The following STXBP5L variants were observed in gnomAD, a reference collection of about 807,000 sequenced individuals.
The protein encoded by STXBP5L is syntaxin binding protein 5L.
A neutral mutation model predicts 144.5 loss-of-function variants in STXBP5L; 65 were observed. The observed-to-expected ratio is 0.45, with a 90% CI of 0.37 to 0.55. The LOEUF is 0.55. STXBP5L is among the 20% of genes least tolerant of loss of function. STXBP5L has a pLI of 0.00. For synonymous variants in STXBP5L, 505 were observed against 469.6 expected (o/e 1.08, Z -0.97); for missense variants, 1,298 against 1,405.5 (o/e 0.92, Z 1.22).
intron 11 of STXBP5L, among the ~76,000 whole-genome samples, chr3:121,224,985 A>G (rs1198298792): frequency 2.6e-5 from 4 of 152,166 alleles, no homozygotes; most frequent in African/African-American, 9.7e-5. Flanking sequence ...ATAAGGTTCA[A>G]TGAAGCATAA....
chr3:121,353,946 A>T (rs1304990891), intron 20 of STXBP5L, among the ~76,000 whole-genome samples: 1 of 152,204 alleles, frequency 6.6e-6, no homozygotes, highest in Non-Finnish European at 1.5e-5. Context: ...TTTACCCAGT[A>T]GTCATTCAGT....
chr3:121,398,251 A>G (rs1304739931), intron 22 of STXBP5L, among the ~76,000 whole-genome samples: 1 of 152,240 alleles, frequency 6.6e-6, no homozygotes, highest in Non-Finnish European at 1.5e-5. Context: ...GACCTTTCTA[A>G]AAGTAATCCT....
chr3:121,267,313 G>T (rs867637575), intron 18 of STXBP5L, among the ~76,000 whole-genome samples: 15 of 152,148 alleles, frequency 9.9e-5, no homozygotes, highest in Non-Finnish European at 1.9e-4. Context: ...AATGGTGAAA[G>T]AATTCCCTAT....
At chr3:121,299,499 T>C (rs1437508540) in intron 19 of STXBP5L, among the ~76,000 whole-genome samples, 1 of 152,130 alleles carries the variant, frequency 6.6e-6, no homozygotes, top group Non-Finnish European at 1.5e-5. Flanking sequence ...TAACAATATA[T>C]TGCACAGCAC....
At chr3:121,020,568 C>A (rs775788491) in intron 3 of STXBP5L, among the ~76,000 whole-genome samples, 1 of 152,172 alleles carries the variant, frequency 6.6e-6, no homozygotes, top group Non-Finnish European at 1.5e-5. Flanking sequence ...GATTTCTCAG[C>A]AGAAACCATA....
chr3:121,413,930 G>A (rs1278689948), intron 24 of STXBP5L, among the ~76,000 whole-genome samples: 1 of 152,114 alleles, frequency 6.6e-6, no homozygotes, highest in Non-Finnish European at 1.5e-5. Context: ...GGGGTTAAGA[G>A]CATAAGCTCT....
At chr3:121,081,949 A>G (rs6438607) in intron 5 of STXBP5L, among the ~76,000 whole-genome samples, 38,688 of 152,038 alleles carry the variant, frequency 0.25, 5,105 homozygotes, top group African/African-American at 0.29. Flanking sequence ...GTCTATTTCA[A>G]GATTCTTTAT....
intron 9 of STXBP5L, among the ~76,000 whole-genome samples, chr3:121,173,943 A>T (rs1299211105): frequency 6.6e-6 from 1 of 152,082 alleles, no homozygotes; most frequent in Non-Finnish European, 1.5e-5. Flanking sequence ...ATATTGCACT[A>T]AACATGATGA....
intron 3 of STXBP5L, among the ~76,000 whole-genome samples, chr3:120,974,226 T>C (rs1232686334): frequency 6.6e-6 from 1 of 152,176 alleles, no homozygotes; most frequent in Non-Finnish European, 1.5e-5. Flanking sequence ...TTTTTAATGA[T>C]TGCCATTCTA....
At chr3:121,284,958 C>A (rs1346146695) in intron 19 of STXBP5L, among the ~76,000 whole-genome samples, 1 of 152,048 alleles carries the variant, frequency 6.6e-6, no homozygotes, top group African/African-American at 2.4e-5. Context: ...GCATATCCTA[C>A]AATTGCTTTT....
chr3:120,958,106 A>G (rs1431474750), intron 3 of STXBP5L, among the ~76,000 whole-genome samples: 45 of 152,230 alleles, frequency 3.0e-4, no homozygotes, highest in African/African-American at 9.2e-4. Flanking sequence ...AATACAAACT[A>G]CCATCACAGA....
At chr3:121,373,390 T>C (rs1410452212) in intron 20 of STXBP5L, among the ~76,000 whole-genome samples, 1 of 152,156 alleles carries the variant, frequency 6.6e-6, no homozygotes, top group African/African-American at 2.4e-5. Context: ...CAAGACTGCA[T>C]TGTTTCAGGG....
intron 6 of STXBP5L, 73 bp from the exon 7 acceptor site, chr3:121,121,568 C>G (rs1025524067): frequency 9.3e-7 from 1 of 1,074,656 alleles, no homozygotes; most frequent in African/African-American, 1.6e-5. Context: ...ATCTTAATTT[C>G]TTTGTTTCAG....
At chr3:121,198,796 G>A (rs561396294) in intron 9 of STXBP5L, among the ~76,000 whole-genome samples, 125 of 152,220 alleles carry the variant, frequency 8.2e-4, no homozygotes, top group Admixed American at 1.6e-3. Context: ...GATGGTTGTA[G>A]GTGTGTGGTA....
chr3:121,086,784 G>T (rs2042516568), intron 5 of STXBP5L, among the ~76,000 whole-genome samples: 1 of 151,974 alleles, frequency 6.6e-6, no homozygotes, highest in Admixed American at 6.6e-5. Flanking sequence ...TTTGGGTTTT[G>T]GGATACTCAA....
chr3:121,056,331 G>A (rs555504258), intron 5 of STXBP5L, among the ~76,000 whole-genome samples: 2 of 152,160 alleles, frequency 1.3e-5, no homozygotes, highest in East Asian at 3.9e-4. Flanking sequence ...GCTTTTGAGT[G>A]AAATTCAAAT....
At chr3:121,124,208 C>T (rs1345213417) in intron 7 of STXBP5L, among the ~76,000 whole-genome samples, 1 of 151,858 alleles carries the variant, frequency 6.6e-6, no homozygotes, top group African/African-American at 2.4e-5. Context: ...TAATGACATA[C>T]TTTATTAATT....
At chr3:120,955,373 A>G (rs920328023) in intron 3 of STXBP5L, among the ~76,000 whole-genome samples, 7 of 151,832 alleles carry the variant, frequency 4.6e-5, no homozygotes, top group East Asian at 3.9e-4. Flanking sequence ...TTGTGTTTCT[A>G]TATTCGATTT....
At chr3:121,034,300 TTC>T (rs1207859824) in intron 3 of STXBP5L, among the ~76,000 whole-genome samples, 1 of 152,054 alleles carries the variant, frequency 6.6e-6, no homozygotes, top group Non-Finnish European at 1.5e-5. Context: ...CTTCCCACCT[TTC>T]TGAGTGTCCA....
Sources: allele counts gnomAD v4.1 joint callset (sites outside exome capture counted in the v4.1 genomes callset), GRCh38; gene constraint gnomAD v4.1.1; transcripts MANE v1.5; gene names NCBI Gene and HGNC (gene_info 2026-07-23, HGNC 2026-07-21).